Variants in GLI2 observed in about 807,000 individuals in gnomAD.
GLI2 encodes the protein transcription activator GLI2.
A neutral mutation model predicts 78.9 loss-of-function variants in GLI2; 22 were observed. The ratio of observed to expected loss-of-function variants is 0.28; its 90% confidence interval spans 0.20 to 0.40. The LOEUF (loss-of-function observed/expected upper bound fraction) is 0.40. Among genes scored for constraint, GLI2 ranks in the 10% least tolerant of loss-of-function variants. The pLI is 1.00. For synonymous variants in GLI2, 974 were observed against 963.7 expected (o/e 1.01, Z -0.20); for missense variants, 2,097 against 2,213.2 (o/e 0.95, Z 1.05).
intron 2 of GLI2, among the ~76,000 whole-genome samples, chr2:120,919,465 A>G (rs751750294): frequency 9.2e-5 from 14 of 152,220 alleles, no homozygotes; most frequent in Non-Finnish European, 1.8e-4. Context: ...AGGGTCCCAC[A>G]CAGACCAAAG....
intron 2 of GLI2, among the ~76,000 whole-genome samples, chr2:120,900,600 C>G (rs1678204051): frequency 6.6e-6 from 1 of 152,194 alleles, no homozygotes; most frequent in Non-Finnish European, 1.5e-5. Flanking sequence ...TATGAGGGTT[C>G]TGTGGAAGAA....
chr2:120,975,253 G>A, intron 9 of GLI2, 144 bp downstream of exon 9: 1 of 712,274 alleles, frequency 1.4e-6, no homozygotes, highest in South Asian at 1.8e-5. Context: ...CCTGCAAGTG[G>A]GAGGCATAAT....
chr2:120,794,282 AG>A (rs1684283057), intron 1 of GLI2, among the ~76,000 whole-genome samples: 1 of 152,104 alleles, frequency 6.6e-6, no homozygotes, highest in Non-Finnish European at 1.5e-5. Context: ...TGAGTGGCAT[AG>A]CTTGGGCAGA....
At chr2:120,854,620 C>G (rs1218409996) in intron 2 of GLI2, among the ~76,000 whole-genome samples, 1 of 152,182 alleles carries the variant, frequency 6.6e-6, no homozygotes, top group Non-Finnish European at 1.5e-5. Flanking sequence ...TGTGTATGTT[C>G]TGAGGTTTTC....
intron 2 of GLI2, among the ~76,000 whole-genome samples, chr2:120,809,391 C>A (rs183181338): frequency 2.6e-5 from 4 of 152,014 alleles, no homozygotes; most frequent in African/African-American, 4.8e-5. Context: ...TTGCTATGGG[C>A]TTGGGGTTTC....
At chr2:120,839,425 CCTCTGT>C (rs1558826334) in intron 2 of GLI2, among the ~76,000 whole-genome samples, 1 of 152,162 alleles carries the variant, frequency 6.6e-6, no homozygotes, top group African/African-American at 2.4e-5. Flanking sequence ...AATCAATCTA[CCTCTGT>C]CTTCAGGAAT....
chr2:120,755,176 A>C (rs1300544878), intron 1 of GLI2, among the ~76,000 whole-genome samples: 1 of 152,164 alleles, frequency 6.6e-6, no homozygotes, highest in African/African-American at 2.4e-5. Flanking sequence ...GTAACCACAA[A>C]ACTGTTTAAT....
At chr2:120,888,251 G>A (rs149247830) in intron 2 of GLI2, among the ~76,000 whole-genome samples, 265 of 152,358 alleles carry the variant, frequency 1.7e-3, no homozygotes, top group South Asian at 3.3e-3. Flanking sequence ...ACTCTTAGTT[G>A]CCAAAATGCC....
chr2:120,929,156 C>G (rs1052354006), intron 3 of GLI2, among the ~76,000 whole-genome samples: 2 of 152,162 alleles, frequency 1.3e-5, no homozygotes, highest in South Asian at 4.1e-4. Context: ...ACATTCGGAT[C>G]ATGCGTTTTG....
chr2:120,741,722 C>T (rs889255285), intron 1 of GLI2, among the ~76,000 whole-genome samples: 4 of 152,042 alleles, frequency 2.6e-5, no homozygotes, highest in African/African-American at 9.7e-5. Flanking sequence ...CCGACCGTGC[C>T]GCGGCCGGGG....
intron 1 of GLI2, among the ~76,000 whole-genome samples, chr2:120,772,915 G>A (rs116213251): frequency 6.6e-6 from 1 of 152,126 alleles, no homozygotes. Flanking sequence ...ACCCCGCAAG[G>A]TCTCCTTCCT....
chr2:120,763,216 C>G (rs1250590881), intron 1 of GLI2, among the ~76,000 whole-genome samples: 1 of 152,190 alleles, frequency 6.6e-6, no homozygotes. Context: ...CAGATTGCTG[C>G]TATGCTTTTG....
intron 1 of GLI2, among the ~76,000 whole-genome samples, chr2:120,796,058 C>G (rs766355325): frequency 1.3e-5 from 2 of 152,098 alleles, no homozygotes; most frequent in Non-Finnish European, 2.9e-5. Flanking sequence ...AACAAACAAA[C>G]AAACAAACAA....
At chr2:120,923,856 G>A (rs1475710419) in intron 2 of GLI2, among the ~76,000 whole-genome samples, 4 of 151,618 alleles carry the variant, frequency 2.6e-5, no homozygotes, top group Non-Finnish European at 2.9e-5. Flanking sequence ...TCACACACAC[G>A]TACATACACA....
chr2:120,890,092 C>G (rs1380630623), intron 2 of GLI2, among the ~76,000 whole-genome samples: 1 of 152,222 alleles, frequency 6.6e-6, no homozygotes, highest in Non-Finnish European at 1.5e-5. Flanking sequence ...GTTAGACAAA[C>G]TGTGGCACAT....
intron 2 of GLI2, among the ~76,000 whole-genome samples, chr2:120,862,808 C>T (rs920892419): frequency 2.0e-5 from 3 of 152,210 alleles, no homozygotes; most frequent in Non-Finnish European, 4.4e-5. Flanking sequence ...GAGCGGGGCT[C>T]CTCCCGCCTA....
intron 2 of GLI2, among the ~76,000 whole-genome samples, chr2:120,814,449 A>G (rs900389298): frequency 3.9e-5 from 6 of 152,344 alleles, no homozygotes; most frequent in Admixed American, 6.5e-5. Flanking sequence ...CTGTTGTCAG[A>G]TATCAGTGCC....
chr2:120,812,395 G>A (rs115909762), intron 2 of GLI2, among the ~76,000 whole-genome samples: 11 of 152,178 alleles, frequency 7.2e-5, no homozygotes, highest in Admixed American at 2.0e-4. Context: ...GGCGGTTCCC[G>A]TGCATCCTTG....
Position 120,988,927 on chromosome 2 carries a change from C to G in GLI2, c.2962C>G (p.Arg988Gly), listed in dbSNP as rs1683129265. The change falls in exon 14 of 14, where the codon CGA (arginine) becomes GGA (glycine). Residue 988 changes from arginine (R) to glycine (G), a missense_variant. Physicochemically the swap from Arg to Gly is moderately radical, Grantham distance 125 (BLOSUM62 -2). Around this residue, in one of 5 missense-constraint regions of GLI2, gnomAD observed 1,290 missense variants for 1,261.7 expected, o/e 1.02. Coordinates refer to ENST00000361492, the MANE Select transcript of GLI2 (RefSeq NM_001374353.1). ...CCCGCTGCCGCCCTGTGCCGACAGGCGAGGCCTCCGCCTGCAGAGCCACCC... is the reference window on the plus strand; with the variant it reads ...CCCGCTGCCGCCCTGTGCCGACAGGGGAGGCCTCCGCCTGCAGAGCCACCC... Reference protein sequence around the residue: ...PGPLPPCADRRGLRLQSHPST... With the variant: ...PGPLPPCADRGGLRLQSHPST... 3 of 1,523,742 alleles carry G rather than the reference C, an allele frequency of 2.0e-6. No homozygotes were observed. Among genetic ancestry groups the G allele is most frequent in the Admixed American group, 2.0e-5 (1 of 50,816 alleles). 94.4% of individuals were successfully genotyped at this position (1,523,742 alleles called of 1,614,324 possible). A position where few individuals can be genotyped will look rare whatever the true frequency, so the allele number is the denominator to read the frequency against.
Sources: allele counts gnomAD v4.1 joint callset (sites outside exome capture counted in the v4.1 genomes callset), GRCh38; gene constraint gnomAD v4.1.1; regional missense constraint gnomAD v4.1.1; transcripts MANE v1.5; gene names NCBI Gene and HGNC (gene_info 2026-07-23, HGNC 2026-07-21).